Variants in LRMDA observed in about 807,000 individuals in gnomAD.
LRMDA encodes the protein leucine rich melanocyte differentiation associated, also known as leucine-rich melanocyte differentiation-associated protein.
Under a neutral mutation model 29.8 loss-of-function variants are expected in LRMDA, and 18 were observed. The ratio of observed to expected loss-of-function variants is 0.60; its 90% CI spans 0.42 to 0.90. The LOEUF (loss-of-function observed/expected upper bound fraction) is 0.90. LRMDA is among the 40% of genes least tolerant of loss of function. The pLI, the probability that LRMDA is intolerant of heterozygous loss-of-function variation, is 0.00. For synonymous variants in LRMDA, 125 were observed against 109.4 expected (o/e 1.14, Z -0.89); for missense variants, 273 against 273.9 (o/e 1.00, Z 0.02).
At chr10:76,468,368 G>A (rs10762726) in intron 6 of LRMDA, among the ~76,000 whole-genome samples, 4 of 152,058 alleles carry the variant, frequency 2.6e-5, no homozygotes. Flanking sequence ...AACAAATGTC[G>A]TTTAATCACT....
intron 2 of LRMDA, among the ~76,000 whole-genome samples, chr10:75,856,390 T>G (rs1844827152): frequency 6.6e-6 from 1 of 152,122 alleles, no homozygotes; most frequent in South Asian, 2.1e-4. Flanking sequence ...AAAAGAGAAT[T>G]TTAGACCAAT....
intron 2 of LRMDA, among the ~76,000 whole-genome samples, chr10:75,467,814 A>G (rs1844672674): frequency 1.3e-5 from 2 of 152,066 alleles, no homozygotes; most frequent in Non-Finnish European, 2.9e-5. Context: ...TACAAAAATT[A>G]TCTGGGGCTG....
intron 2 of LRMDA, among the ~76,000 whole-genome samples, chr10:75,526,222 C>T (rs1845411301): frequency 6.6e-6 from 1 of 151,924 alleles, no homozygotes; most frequent in Non-Finnish European, 1.5e-5. Flanking sequence ...TGTACCACCA[C>T]ACCCAGCTAA....
At chr10:75,856,599 G>A (rs1844831201) in intron 2 of LRMDA, among the ~76,000 whole-genome samples, 1 of 152,190 alleles carries the variant, frequency 6.6e-6, no homozygotes, top group South Asian at 2.1e-4. Flanking sequence ...TTATCCAATA[G>A]ATGCAGAAAA....
chr10:76,391,906 T>C (rs1841727367), intron 6 of LRMDA, among the ~76,000 whole-genome samples: 1 of 152,178 alleles, frequency 6.6e-6, no homozygotes, highest in Non-Finnish European at 1.5e-5. Context: ...TATCTGTCTA[T>C]GGATTTATGG....
intron 2 of LRMDA, among the ~76,000 whole-genome samples, chr10:76,028,878 A>AT (rs2132499207): frequency 6.9e-6 from 1 of 145,580 alleles, no homozygotes; most frequent in Non-Finnish European, 1.5e-5. Context: ...GTACAGTGGC[A>AT]TGATCTCAGC....
chr10:75,906,870 G>A (rs905234057), intron 2 of LRMDA, among the ~76,000 whole-genome samples: 1 of 151,814 alleles, frequency 6.6e-6, no homozygotes, highest in Non-Finnish European at 1.5e-5. Flanking sequence ...AGTGGACTTG[G>A]GGGTGCAAGG....
intron 6 of LRMDA, among the ~76,000 whole-genome samples, chr10:76,426,736 G>T (rs1487345398): frequency 2.6e-5 from 4 of 152,164 alleles, no homozygotes; most frequent in East Asian, 1.9e-4. Context: ...ATGGTTTTAG[G>T]TCTAACATTT....
intron 2 of LRMDA, among the ~76,000 whole-genome samples, chr10:75,464,728 C>T (rs966762874): frequency 6.6e-6 from 1 of 152,066 alleles, no homozygotes; most frequent in East Asian, 1.9e-4. Context: ...TGGAATAGAC[C>T]CCCAGCAAAG....
At chr10:76,103,716 T>G (rs867128936) in intron 5 of LRMDA, among the ~76,000 whole-genome samples, 31 of 152,344 alleles carry the variant, frequency 2.0e-4, no homozygotes, top group African/African-American at 7.2e-4. Flanking sequence ...TATCAGAGTT[T>G]GGGCTGCCTC....
At chr10:75,938,589 A>G (rs907050862) in intron 2 of LRMDA, among the ~76,000 whole-genome samples, 1 of 152,200 alleles carries the variant, frequency 6.6e-6, no homozygotes, top group African/African-American at 2.4e-5. Context: ...CTCTGGAACT[A>G]CGAGACAGGA....
intron 2 of LRMDA, among the ~76,000 whole-genome samples, chr10:75,683,852 A>G (rs1842052691): frequency 6.6e-6 from 1 of 152,214 alleles, no homozygotes; most frequent in Non-Finnish European, 1.5e-5. Context: ...GGGCTTAGTA[A>G]GTCTTAGGAC....
intron 5 of LRMDA, among the ~76,000 whole-genome samples, chr10:76,157,053 A>G (rs1850550676): frequency 6.6e-6 from 1 of 152,162 alleles, no homozygotes. Context: ...AGAGAGGAGG[A>G]GAATGAAGTG....
At chr10:75,971,419 A>G (rs1226375402) in intron 2 of LRMDA, among the ~76,000 whole-genome samples, 1 of 152,192 alleles carries the variant, frequency 6.6e-6, no homozygotes, top group Non-Finnish European at 1.5e-5. Flanking sequence ...TTTCAATGAC[A>G]GTTTCCCACA....
At position 75,477,276 on chromosome 10, in the gene LRMDA, C is replaced by A. The variant is rs529709721; in HGVS notation, c.131+38782C>A. Among the ~76,000 whole-genome samples, 6 of 152,256 alleles carry A rather than the reference C, an allele frequency of 3.9e-5. No individual in the cohort carries two copies. The East Asian group carries it at 1.2e-3, about 29-fold the overall frequency. On this transcript the variant is annotated intron_variant, in intron 2 of 6. Transcript: ENST00000611255. ...CTCTTCTTCTTGTGAAGACACCAGT[C>A]ATGTTGGATTAGGGCCCACCCTAAT...
At chr10:75,943,856 T>C (rs1387411462) in intron 2 of LRMDA, among the ~76,000 whole-genome samples, 2 of 152,228 alleles carry the variant, frequency 1.3e-5, no homozygotes, top group African/African-American at 4.8e-5. Context: ...ATGCTCATGC[T>C]GCATGTGGTT....
At chr10:75,826,920 C>T (rs1844255387) in intron 2 of LRMDA, among the ~76,000 whole-genome samples, 1 of 151,984 alleles carries the variant, frequency 6.6e-6, no homozygotes, top group African/African-American at 2.4e-5. Context: ...AAAAACATCT[C>T]TTGTGAGCGC....
intron 2 of LRMDA, among the ~76,000 whole-genome samples, chr10:75,934,356 C>G (rs1846252523): frequency 2.0e-5 from 3 of 151,968 alleles, no homozygotes; most frequent in Admixed American, 2.0e-4. Context: ...TATTGTCATT[C>G]CATGTTTTAT....
At chr10:75,884,886 G>A (rs1394806572) in intron 2 of LRMDA, among the ~76,000 whole-genome samples, 1 of 151,994 alleles carries the variant, frequency 6.6e-6, no homozygotes, top group African/African-American at 2.4e-5. Flanking sequence ...CAGGCCCAAC[G>A]AAAAATCCAG....
Sources: gnomAD v4.1 joint callset for allele counts (sites outside exome capture counted in the v4.1 genomes callset) on GRCh38, gnomAD v4.1.1 for gene constraint, MANE v1.5 for transcripts, NCBI Gene and HGNC (gene_info 2026-07-23, HGNC 2026-07-21) for gene names.